ADCY5: variants seen among roughly 807,000 people sequenced by gnomAD.
The protein encoded by ADCY5 is adenylate cyclase type 5.
In ADCY5, 30 loss-of-function variants were observed where a neutral mutation model predicts 119.7. The observed-to-expected ratio is 0.25, with a 90% confidence interval of 0.19 to 0.34. The LOEUF (loss-of-function observed/expected upper bound fraction) is 0.34. Ranked by LOEUF, ADCY5 falls within the 10% of genes least tolerant of loss-of-function variation. The pLI is 1.00. For synonymous variants in ADCY5, 753 were observed against 762.2 expected (o/e 0.99, Z 0.20); for missense variants, 1,324 against 1,775.2 (o/e 0.75, Z 4.57).
intron 1 of ADCY5, among the ~76,000 whole-genome samples, chr3:123,442,822 G>GA (rs1173047460): frequency 3.3e-5 from 5 of 152,142 alleles, no homozygotes; most frequent in African/African-American, 1.2e-4. Context: ...GCTTTTGGGA[G>GA]AAAGAGGCGA....
At chr3:123,328,495 C>T in intron 6 of ADCY5, 149 bp downstream of exon 6, 2 of 900,730 alleles carry the variant, frequency 2.2e-6, no homozygotes, top group Admixed American at 2.5e-5. Flanking sequence ...TCTACTTCCA[C>T]TGTGCTCACC....
chr3:123,413,310 C>T (rs995440047), intron 1 of ADCY5, among the ~76,000 whole-genome samples: 34 of 152,346 alleles, frequency 2.2e-4, no homozygotes, highest in African/African-American at 5.8e-4. Context: ...GAGCACTTCC[C>T]GTCCCTGACC....
At chr3:123,402,930 A>T (rs2107611585) in intron 1 of ADCY5, among the ~76,000 whole-genome samples, 1 of 152,024 alleles carries the variant, frequency 6.6e-6, no homozygotes, top group East Asian at 1.9e-4. Flanking sequence ...TTTATGTTAT[A>T]TTTATTATAT....
rs1199357934 is a variant in ADCY5, at chr3:123,300,151, T to G, written c.2869A>C (p.Asn957His). 1 of 1,613,850 alleles carries G rather than the reference T, an allele frequency of 6.2e-7. No individual in the cohort carries two copies. The highest frequency in any genetic ancestry group is 1.7e-5 in the Admixed American group (1 of 60,020). Residue 957 changes from asparagine to histidine, a missense_variant, in exon 15 of 21, where the codon AAC (asparagine) becomes CAC (histidine). Around this residue, in one of 6 missense-constraint regions of ADCY5, gnomAD observed 424 missense variants for 546.8 expected, o/e 0.78. Coordinates refer to ENST00000462833, the MANE Select transcript of ADCY5 (RefSeq NM_183357.3). ...TTGGCGGTGACCAGCAGGTCGGCGT[T>G]GTCGAAGAGCGTGACACCTGGCACC... ...VEVPGVTLFD[N>H]ADLLVTANAI...
chr3:123,305,172 G>A (rs937516701), intron 12 of ADCY5, among the ~76,000 whole-genome samples: 1 of 152,136 alleles, frequency 6.6e-6, no homozygotes, highest in South Asian at 2.1e-4. Flanking sequence ...CTATTTGTAC[G>A]GCTCTTGGGA....
chr3:123,377,132 G>T (rs957781713), intron 1 of ADCY5, among the ~76,000 whole-genome samples: 1 of 152,212 alleles, frequency 6.6e-6, no homozygotes. Context: ...CAGCCACGAT[G>T]ATCTTCTCAA....
At position 123,345,769 on chromosome 3, in the gene ADCY5, G is replaced by GACACACAGACACAC. The variant is rs1553731376; in HGVS notation, c.1406+2012_1406+2013insGTGTGTCTGTGTGT. Among the ~76,000 whole-genome samples the GACACACAGACACAC allele has an allele frequency of 1.0e-3, 117 of 113,826 alleles. 1 individual carries two copies. Among genetic ancestry groups the GACACACAGACACAC allele is most frequent in the Middle Eastern group, 3.9e-3 (1 of 256 alleles). The allele number at this position is 113,826 out of a possible 152,430, so 74.7% of individuals were successfully genotyped here. A position where few individuals can be genotyped will look rare whatever the true frequency, so the allele number is the denominator to read the frequency against. On this transcript the variant is annotated intron_variant, in intron 3 of 20. Transcript: ENST00000462833. ...AGACAGACAGACAGACAGACAGACA[G>GACACACAGACACAC]ACACACACACACACACACACACACA...
intron 12 of ADCY5, among the ~76,000 whole-genome samples, chr3:123,306,011 C>T (rs1367835042): frequency 6.6e-6 from 1 of 152,176 alleles, no homozygotes; most frequent in Non-Finnish European, 1.5e-5. Flanking sequence ...GCAGGAGAGC[C>T]TCCCAGGTAT....
intron 1 of ADCY5, among the ~76,000 whole-genome samples, chr3:123,443,767 A>G (rs1559881035): frequency 6.6e-6 from 1 of 152,210 alleles, no homozygotes; most frequent in African/African-American, 2.4e-5. Context: ...CCCCAAGCTC[A>G]CGGGGACCCA....
At chr3:123,312,994 G>C (rs1220106180) in intron 12 of ADCY5, among the ~76,000 whole-genome samples, 1 of 152,202 alleles carries the variant, frequency 6.6e-6, no homozygotes, top group Non-Finnish European at 1.5e-5. Context: ...GAGGAAGGAG[G>C]GTCAGTGGAC....
At position 123,286,909 on chromosome 3, in the gene ADCY5, G is replaced by A; in HGVS notation, c.3533-100C>T. On this transcript the variant is annotated intron_variant, in intron 19 of 20. Transcript: ENST00000462833. This position sits in a 1 kb window ranked among gnomAD's most constrained non-coding sequence, Gnocchi z 4.2. ...TGCAGGTCCTTCTGACTCCCAACCT[G>A]AGACACCCGTGGGCTTCCAGGCCCA... 2 of 1,465,106 alleles carry A rather than the reference G, an allele frequency of 1.4e-6. No individual in the cohort carries two copies. The highest frequency in any genetic ancestry group is 1.8e-6 in the Non-Finnish European group (2 of 1,110,126). The allele number at this position is 1,465,106 out of a possible 1,614,324, so 90.8% of individuals were successfully genotyped here.
intron 14 of ADCY5, 123 bp from the exon 15 acceptor site, chr3:123,300,418 G>A (rs1015915652): frequency 6.3e-5 from 72 of 1,138,320 alleles, no homozygotes; most frequent in Non-Finnish European, 8.5e-5. Flanking sequence ...TTCTGCTGAT[G>A]TAAATTTCCC....
intron 1 of ADCY5, among the ~76,000 whole-genome samples, chr3:123,390,011 T>C (rs1199415634): frequency 2.0e-5 from 3 of 152,158 alleles, no homozygotes; most frequent in Non-Finnish European, 2.9e-5. Flanking sequence ...CTACAGGGCC[T>C]GTACAGGGCT....
At position 123,291,294 on chromosome 3, in the gene ADCY5, G is replaced by C. The variant is rs1576526075; in HGVS notation, c.3146C>G (p.Ala1049Gly). Residue 1049 changes from alanine to glycine, a missense_variant, in exon 18 of 21, where the codon GCC becomes GGC. By Grantham distance (60) the Ala-to-Gly change is moderately conservative. Coordinates refer to ENST00000462833, the MANE Select transcript of ADCY5 (RefSeq NM_183357.3). ...CCGCTCGCGGGCCAGGAAGTGAGCG[G>C]CCACGTCCTTGGGCAGGATGTTGTG... ...LLHNILPKDV[A>G]AHFLARERRN... The C allele has an allele frequency of 1.2e-6, 2 of 1,613,888 alleles. No individual in the cohort carries two copies. The highest frequency in any genetic ancestry group is 1.7e-6 in the Non-Finnish European group (2 of 1,180,036).
chr3:123,386,462 A>C (rs895397376), intron 1 of ADCY5, among the ~76,000 whole-genome samples: 4 of 152,234 alleles, frequency 2.6e-5, no homozygotes, highest in Non-Finnish European at 4.4e-5. Context: ...GTGCCCCCAG[A>C]ACTGGCCCAT....
rs1291239337 is a variant in ADCY5 at position 123,448,052 on chromosome 3, C to A, written c.494G>T (p.Gly165Val). Residue 165 changes from glycine to valine, a missense_variant, in exon 1 of 21, where the codon GGC becomes GTC. Around this residue, in one of 6 missense-constraint regions of ADCY5, gnomAD observed 585 missense variants for 569.9 expected, o/e 1.03. Coordinates refer to ENST00000462833, the MANE Select transcript of ADCY5 (RefSeq NM_183357.3). ...CAGCTCGTCGGCCGCGCGCCCCTTG[C>A]CCCGCCGCTCCTCCAGACCCACCTC... ...SVEVGLEERR[G>V]KGRAADELEA... 1 of 1,244,824 alleles carries A rather than the reference C, an allele frequency of 8.0e-7. No individual in the cohort carries two copies. Among genetic ancestry groups the A allele is most frequent in the East Asian group, 3.7e-5 (1 of 27,160 alleles). 77.1% of individuals were successfully genotyped at this position (1,244,824 alleles called of 1,614,324 possible).
At chr3:123,349,467 A>G (rs1942732449) in intron 2 of ADCY5, among the ~76,000 whole-genome samples, 1 of 151,968 alleles carries the variant, frequency 6.6e-6, no homozygotes, top group South Asian at 2.1e-4. Context: ...TGGTCGCGAC[A>G]CCCTGGACCG....
At chr3:123,323,473 C>T (rs1410988417) in intron 8 of ADCY5, among the ~76,000 whole-genome samples, 1 of 152,078 alleles carries the variant, frequency 6.6e-6, no homozygotes, top group African/African-American at 2.4e-5. Context: ...CACCACCAGG[C>T]CCTGCCTCCC....
chr3:123,345,326 C>T (rs1378557208), intron 3 of ADCY5, among the ~76,000 whole-genome samples: 1 of 152,246 alleles, frequency 6.6e-6, no homozygotes. Context: ...TTGGCCGAGG[C>T]AGGCTGGGAA....
Sources: allele counts gnomAD v4.1 joint callset (sites outside exome capture counted in the v4.1 genomes callset), GRCh38; gene constraint gnomAD v4.1.1; regional missense constraint gnomAD v4.1.1; non-coding constraint Gnocchi (gnomAD v3.1); transcripts MANE v1.5; gene names NCBI Gene and HGNC (gene_info 2026-07-23, HGNC 2026-07-21).